SCLT1: variants seen among roughly 807,000 people sequenced by gnomAD.
The protein encoded by SCLT1 is sodium channel-associated protein 1.
SCLT1 carries 78 observed loss-of-function variants against 112.8 expected under a neutral mutation model. The observed-to-expected ratio is 0.69, with a 90% CI of 0.58 to 0.83. SCLT1 has a LOEUF of 0.83. Ranked by LOEUF, SCLT1 falls within the 40% of genes least tolerant of loss-of-function variation. The pLI is 0.00. For synonymous variants in SCLT1, 257 were observed against 254.7 expected (o/e 1.01, Z -0.09); for missense variants, 747 against 770.4 (o/e 0.97, Z 0.36).
intron 19 of SCLT1, among the ~76,000 whole-genome samples, chr4:128,890,637 G>A (rs1405253625): frequency 6.6e-6 from 1 of 152,034 alleles, no homozygotes; most frequent in Non-Finnish European, 1.5e-5. Context: ...TTGAACTCTT[G>A]CTATATTTAG....
intron 2 of SCLT1, among the ~76,000 whole-genome samples, chr4:129,080,106 G>T (rs1466490138): frequency 6.6e-6 from 1 of 152,244 alleles, no homozygotes; most frequent in Non-Finnish European, 1.5e-5. Flanking sequence ...TCCCTCCTAT[G>T]TCTCCAGGCC....
At chr4:128,968,769 T>C (rs1255883531) in intron 10 of SCLT1, among the ~76,000 whole-genome samples, 1 of 152,236 alleles carries the variant, frequency 6.6e-6, no homozygotes, top group East Asian at 1.9e-4. Context: ...ATTTGAAATC[T>C]GTTCCACATA....
At chr4:128,902,517 G>C (rs1447738673) in intron 18 of SCLT1, among the ~76,000 whole-genome samples, 16 of 152,118 alleles carry the variant, frequency 1.1e-4, no homozygotes, top group Non-Finnish European at 2.4e-4. Flanking sequence ...CATAGAAAAG[G>C]TACAGTAAAA....
Position 128,957,020 on chromosome 4 carries a change from C to T in SCLT1, c.1146+6G>A. ...CTGAATTTTAAATATAATTAAAAAT[C>T]CTTACTTCTTTCTTGGTTCTTATGG... On this transcript the variant is annotated splice_donor_region_variant and intron_variant, in intron 13 of 20. Transcript: ENST00000281142. 6.9e-7 allele frequency: 1 copy of T among 1,457,622 alleles called. No homozygotes were observed. Among genetic ancestry groups the T allele is most frequent in the Non-Finnish European group, 9.4e-7 (1 of 1,066,252 alleles). The allele number at this position is 1,457,622 out of a possible 1,614,324, so 90.3% of individuals were successfully genotyped here. A position where few individuals can be genotyped will look rare whatever the true frequency, so the allele number is the denominator to read the frequency against.
intron 2 of SCLT1, among the ~76,000 whole-genome samples, chr4:129,058,073 C>G (rs1749604872): frequency 6.6e-6 from 1 of 152,120 alleles, no homozygotes; most frequent in African/African-American, 2.4e-5. Flanking sequence ...TCTGTGGTAT[C>G]ATAATGTCTC....
intron 14 of SCLT1, among the ~76,000 whole-genome samples, chr4:128,949,136 CAAAA>C (rs562626593): frequency 6.8e-6 from 1 of 147,094 alleles, no homozygotes; most frequent in Non-Finnish European, 1.5e-5. Context: ...GCACCTAAAA[CAAAA>C]AAATCATAAT....
chr4:128,957,166 T>G, intron 12 of SCLT1, 42 bp from the exon 13 acceptor site: 1 of 1,217,950 alleles, frequency 8.2e-7, no homozygotes, highest in Non-Finnish European at 1.2e-6. Context: ...AACATTATTA[T>G]TAGTAAAGAT....
At chr4:128,963,775 C>T (rs1739940810) in intron 11 of SCLT1, among the ~76,000 whole-genome samples, 1 of 152,100 alleles carries the variant, frequency 6.6e-6, no homozygotes, top group Admixed American at 6.5e-5. Flanking sequence ...ACTTGTTTTC[C>T]TCTACCTATA....
chr4:129,054,199 A>G (rs1189696789), intron 2 of SCLT1, among the ~76,000 whole-genome samples: 2 of 151,426 alleles, frequency 1.3e-5, no homozygotes, highest in African/African-American at 4.9e-5. Context: ...CTTCATTTCA[A>G]CCTTGATGAA....
At chr4:128,904,444 T>C (rs1181664500) in intron 18 of SCLT1, among the ~76,000 whole-genome samples, 1 of 152,202 alleles carries the variant, frequency 6.6e-6, no homozygotes, top group Admixed American at 6.5e-5. Context: ...ATGTTGTATG[T>C]ATTAAAAAAT....
downstream of SCLT1, among the ~76,000 whole-genome samples, chr4:128,881,146 G>A (rs184094075): frequency 1.1e-4 from 17 of 152,152 alleles, no homozygotes; most frequent in African/African-American, 4.1e-4. Context: ...GGATGGTAAG[G>A]GACAGGTTTT....
rs375560439 is a variant in SCLT1 at position 129,005,717 on chromosome 4, G to A, written c.291-1841C>T. 3.8e-4 allele frequency among the ~76,000 whole-genome samples: 57 copies of A among 151,590 alleles called. No individual in the cohort carries two copies. The East Asian group carries it at 6.6e-3, about 18-fold the overall frequency. ...TGCTGCTATAAAGACACATGCACAC[G>A]TATGTTTATTGCGGCATTATTCACA... On this transcript the variant is annotated intron_variant, in intron 5 of 20. Coordinates refer to ENST00000281142, the MANE Select transcript of SCLT1 (RefSeq NM_144643.4).
At chr4:129,000,967 T>G (rs1026492481) in intron 6 of SCLT1, among the ~76,000 whole-genome samples, 5 of 151,020 alleles carry the variant, frequency 3.3e-5, no homozygotes, top group Non-Finnish European at 7.4e-5. Context: ...AAACAAAAAC[T>G]GTAGGCTAAT....
In SCLT1 at chr4:128,897,657, A is replaced by C. The variant is rs1388532166; in HGVS notation, c.1830-6520T>G. On this transcript the variant is annotated intron_variant, in intron 18 of 20. Transcript: ENST00000281142. ...AGCTAACATCATAATGACAGGATCA[A>C]ATTCACACATAACAATATTAATCTT... Among the ~76,000 whole-genome samples the C allele has an allele frequency of 3.9e-5, 6 of 152,368 alleles. No individual in the cohort carries two copies. The East Asian group carries it at 1.2e-3, about 29-fold the overall frequency.
chr4:129,044,231 A>G (rs1747971110), intron 2 of SCLT1, among the ~76,000 whole-genome samples, 180 bp from the exon 3 acceptor site: 1 of 152,154 alleles, frequency 6.6e-6, no homozygotes, highest in Non-Finnish European at 1.5e-5. Flanking sequence ...TAAATTTAAT[A>G]CCCATGCACA....
At chr4:128,962,553 C>A (rs993294256) in intron 11 of SCLT1, among the ~76,000 whole-genome samples, 1 of 152,110 alleles carries the variant, frequency 6.6e-6, no homozygotes, top group Admixed American at 6.5e-5. Flanking sequence ...ATCCTCCCAC[C>A]TTTTTTCTCT....
intron 4 of SCLT1, chr4:128,876,429 G>A (rs1732521909): frequency 6.6e-6 from 1 of 152,130 alleles, no homozygotes; most frequent in Admixed American, 6.5e-5. Flanking sequence ...TGGCAGCTGT[G>A]CAATCTGTGA....
At chr4:129,040,411 G>A (rs1747596953) in intron 4 of SCLT1, among the ~76,000 whole-genome samples, 1 of 152,252 alleles carries the variant, frequency 6.6e-6, no homozygotes, top group Non-Finnish European at 1.5e-5. Flanking sequence ...CTAAGATGGG[G>A]TCTCACTCTG....
intron 20 of SCLT1, among the ~76,000 whole-genome samples, chr4:128,885,957 G>A (rs1732860896): frequency 6.6e-6 from 1 of 151,536 alleles, no homozygotes; most frequent in African/African-American, 2.4e-5. Context: ...ACCGGACTGT[G>A]GCATTTTTTG....
Sources: allele counts gnomAD v4.1 joint callset (sites outside exome capture counted in the v4.1 genomes callset), GRCh38; gene constraint gnomAD v4.1.1; transcripts MANE v1.5; gene names NCBI Gene and HGNC (gene_info 2026-07-23, HGNC 2026-07-21).